ZNF140: variants seen among roughly 807,000 people sequenced by gnomAD.
ZNF140 encodes the protein zinc finger protein 140 (clone pHZ-39).
A neutral mutation model predicts 12.9 loss-of-function variants in ZNF140; 13 were observed. The observed-to-expected ratio is 1.01, with a 90% CI of 0.66 to 1.60. The LOEUF (loss-of-function observed/expected upper bound fraction) is 1.60, where lower values mean the gene tolerates loss of function less well. Among genes scored for constraint, ZNF140 ranks in the 40% most tolerant of loss-of-function variants. The pLI is 0.00. For missense variants in ZNF140, 531 were observed against 548.8 expected (o/e 0.97, Z 0.32); for synonymous variants, 214 against 186.7 (o/e 1.15, Z -1.19).
At chr12:133,100,192 G>C (rs1955294133) in intron 4 of ZNF140, among the ~76,000 whole-genome samples, 1 of 90,040 alleles carries the variant, frequency 1.1e-5, no homozygotes, top group South Asian at 3.1e-4. Context: ...TTTTTTGGCA[G>C]GGTCTTACTT....
intron 4 of ZNF140, among the ~76,000 whole-genome samples, chr12:133,096,112 C>A (rs1377566313): frequency 1.3e-5 from 2 of 151,654 alleles, no homozygotes; most frequent in African/African-American, 4.8e-5. Context: ...CAGACTATCA[C>A]ATGGGGAGAA....
chr12:133,085,370 C>G (rs1954641080), intron 4 of ZNF140, among the ~76,000 whole-genome samples: 1 of 152,118 alleles, frequency 6.6e-6, no homozygotes. Context: ...TGTATTCCTT[C>G]CAGGATCTTA....
At chr12:133,081,363 A>G in intron 2 of ZNF140, 34 bp downstream of exon 2, 1 of 268,216 alleles carries the variant, frequency 3.7e-6, no homozygotes, top group South Asian at 7.5e-5. Flanking sequence ...ATATATATAT[A>G]TATATATAAA....
chr12:133,106,323 G>T lies in ZNF140; in HGVS notation c.1046G>T (p.Arg349Ile), dbSNP rs1955594364. The part of the protein sequence containing the change: ...RCHSFLIKHQ[R>I]IHAGEKLYEC... ...CACTCATTCCTTATTAAACATCAGA[G>T]AATTCATGCTGGAGAAAAGCTCTAT... Residue 349 changes from arginine to isoleucine, a missense_variant, in exon 5 of 5, where the codon AGA becomes ATA. By Grantham distance (97) the Arg-to-Ile change is moderately conservative (BLOSUM62 -3). Transcript: ENST00000355557. 1 of 1,614,172 alleles carries T rather than the reference G, an allele frequency of 6.2e-7. No homozygotes were observed. Among genetic ancestry groups the T allele is most frequent in the Non-Finnish European group, 8.5e-7 (1 of 1,180,028 alleles).
chr12:133,103,567 C>T (rs1955444486), intron 4 of ZNF140, among the ~76,000 whole-genome samples: 1 of 152,052 alleles, frequency 6.6e-6, no homozygotes, highest in Admixed American at 6.6e-5. Context: ...GCCACCACAC[C>T]CGGCCCCAAC....
intron 2 of ZNF140, chr12:133,082,890 A>T: frequency 1.8e-6 from 1 of 566,146 alleles, no homozygotes; most frequent in Non-Finnish European, 2.9e-6. Flanking sequence ...TTATCTCAGG[A>T]CAGATAATTT....
At chr12:133,084,082 T>G (rs1308989822) in intron 4 of ZNF140, 1 of 406,086 alleles carries the variant, frequency 2.5e-6, no homozygotes, top group Non-Finnish European at 4.7e-6. Context: ...AGTCGACCAG[T>G]TCTCACCTTA....
intron 4 of ZNF140, among the ~76,000 whole-genome samples, chr12:133,103,428 ATTTT>A (rs144653447): frequency 2.8e-5 from 4 of 141,042 alleles, no homozygotes; most frequent in African/African-American, 5.4e-5. Flanking sequence ...CTAAGTTTTA[ATTTT>A]TTTTTTTTTT....
At chr12:133,094,931 G>C (rs2137534756) in intron 4 of ZNF140, among the ~76,000 whole-genome samples, 1 of 151,442 alleles carries the variant, frequency 6.6e-6, no homozygotes, top group East Asian at 1.9e-4. Context: ...GCCATTACTG[G>C]CTCTGCTACA....
At chr12:133,098,143 G>GT (rs1955207501) in intron 4 of ZNF140, among the ~76,000 whole-genome samples, 1 of 151,702 alleles carries the variant, frequency 6.6e-6, no homozygotes, top group Non-Finnish European at 1.5e-5. Flanking sequence ...CCCCTTTTGT[G>GT]TTTTTTATTG....
At position 133,081,339 on chromosome 12, in the gene ZNF140, T is replaced by C; in HGVS notation, c.9+10T>C. On this transcript the variant is annotated intron_variant, in intron 2 of 4. Coordinates refer to ENST00000355557, the MANE Select transcript of ZNF140 (RefSeq NM_003440.4). ...GTGAGCTATGTCTCAGGTAAGCTAATGATTGATAAATATATATATATATAT... is the reference window on the plus strand; with the variant it reads ...GTGAGCTATGTCTCAGGTAAGCTAACGATTGATAAATATATATATATATAT... 1 of 739,238 alleles carries C rather than the reference T, an allele frequency of 1.4e-6. No homozygotes were observed. Among genetic ancestry groups the C allele is most frequent in the Non-Finnish European group, 2.1e-6 (1 of 481,622 alleles). The allele number at this position is 739,238 out of a possible 1,614,324, so 45.8% of individuals were successfully genotyped here. A position where few individuals can be genotyped will look rare whatever the true frequency, so the allele number is the denominator to read the frequency against.
intron 4 of ZNF140, among the ~76,000 whole-genome samples, chr12:133,089,369 A>G (rs1954781204): frequency 6.6e-6 from 1 of 152,056 alleles, no homozygotes; most frequent in Non-Finnish European, 1.5e-5. Flanking sequence ...GCGCTCCACC[A>G]TGCCCAGCTC....
intron 4 of ZNF140, among the ~76,000 whole-genome samples, chr12:133,085,754 T>G (rs1285591520): frequency 6.6e-6 from 1 of 152,250 alleles, no homozygotes; most frequent in Non-Finnish European, 1.5e-5. Context: ...TGGTGGCTCA[T>G]GCCTATAATT....
chr12:133,102,876 A>C (rs1267282236), intron 4 of ZNF140, among the ~76,000 whole-genome samples: 2 of 152,140 alleles, frequency 1.3e-5, no homozygotes, highest in Non-Finnish European at 2.9e-5. Context: ...GGAAGAGGTG[A>C]GGTGATTGAG....
In ZNF140 at chr12:133,105,529, G is replaced by C; in HGVS notation, c.252G>C (p.Glu84Asp). The change falls in exon 5 of 5, where the codon GAG becomes GAC. Residue 84 changes from glutamate to aspartate, a missense_variant. Glu to Asp is a conservative substitution (Grantham distance 45, BLOSUM62 2). Coordinates refer to ENST00000355557, the MANE Select transcript of ZNF140 (RefSeq NM_003440.4). ...DLFSVSESSGEIKDFSPKNVI... is the reference protein window; with the variant it reads ...DLFSVSESSGDIKDFSPKNVI... ...TTTCAGTTTCAGAGTCAAGTGGTGA[G>C]ATCAAAGACTTTTCACCAAAAAATG... The C allele has an allele frequency of 1.2e-6, 2 of 1,608,862 alleles. No individual in the cohort carries two copies. The highest frequency in any genetic ancestry group is 2.2e-5 in the South Asian group (2 of 90,078).
At chr12:133,101,496 G>C (rs978941108) in intron 4 of ZNF140, among the ~76,000 whole-genome samples, 3 of 152,298 alleles carry the variant, frequency 2.0e-5, no homozygotes, top group African/African-American at 7.2e-5. Context: ...CCAGGCTGGA[G>C]TGCAGTGGCG....
At chr12:133,101,873 CAT>C (rs1295501200) in intron 4 of ZNF140, among the ~76,000 whole-genome samples, 3 of 152,238 alleles carry the variant, frequency 2.0e-5, no homozygotes, top group East Asian at 1.9e-4. Flanking sequence ...GCATATTAAT[CAT>C]AGTTTCTTAA....
chr12:133,100,727 T>A (rs1955315936), intron 4 of ZNF140, among the ~76,000 whole-genome samples: 1 of 152,218 alleles, frequency 6.6e-6, no homozygotes, highest in South Asian at 2.1e-4. Context: ...GCATCACTAT[T>A]CTTGTGCTTT....
Position 133,083,506 on chromosome 12 carries a change from G to A in ZNF140, c.177G>A (p.Glu59=). 1 of 1,614,030 alleles carries A rather than the reference G, an allele frequency of 6.2e-7. No individual in the cohort carries two copies. Among genetic ancestry groups the A allele is most frequent in the Non-Finnish European group, 8.5e-7 (1 of 1,179,952 alleles). ...ISKPDVVSLL[E]QGKEPWLGKR... ...AGCCAGATGTGGTTTCCTTATTGGA[G>A]CAAGGGAAAGAACCCTGGCTGGGGA... Residue 59 remains glutamate, a synonymous_variant, in exon 4 of 5, where the codon GAG becomes GAA. Coordinates refer to ENST00000355557, the MANE Select transcript of ZNF140 (RefSeq NM_003440.4).
Sources: gnomAD v4.1 joint callset for allele counts (sites outside exome capture counted in the v4.1 genomes callset) on GRCh38, gnomAD v4.1.1 for gene constraint, MANE v1.5 for transcripts, NCBI Gene and HGNC (gene_info 2026-07-23, HGNC 2026-07-21) for gene names.